The following RAD51B variants were observed in gnomAD, a reference collection of about 807,000 sequenced individuals.
The protein encoded by RAD51B is DNA repair protein RAD51 homolog 2.
In RAD51B, 38 loss-of-function variants were observed where a neutral mutation model predicts 42.2. That is an observed-to-expected ratio of 0.90 (90% CI 0.70 to 1.18). The LOEUF (loss-of-function observed/expected upper bound fraction) is 1.18, where lower values mean the gene tolerates loss of function less well. Ranked by LOEUF, RAD51B falls within the 50% of genes most tolerant of loss-of-function variation. RAD51B has a pLI of 0.00. For synonymous variants in RAD51B, 154 were observed against 145.2 expected, an observed-to-expected ratio of 1.06 and a Z score of -0.43; for missense variants, 373 against 400.7, an observed-to-expected ratio of 0.93 and a Z score of 0.59.
chr14:68,344,673 T>C (rs1424745711), intron 8 of RAD51B, among the ~76,000 whole-genome samples: 3 of 137,602 alleles, frequency 2.2e-5, no homozygotes, highest in African/African-American at 8.1e-5. Flanking sequence ...ATAGCCTGGG[T>C]GCGGTGGCTC....
chr14:68,260,130 A>G (rs1450099610), intron 7 of RAD51B, among the ~76,000 whole-genome samples: 2 of 152,134 alleles, frequency 1.3e-5, no homozygotes, highest in African/African-American at 4.8e-5. Flanking sequence ...CTCTATGAGG[A>G]GGACTTGCAT....
chr14:68,144,792 A>G (rs1372897983), intron 7 of RAD51B, among the ~76,000 whole-genome samples: 4 of 152,306 alleles, frequency 2.6e-5, no homozygotes, highest in African/African-American at 9.6e-5. Flanking sequence ...TTAAAATGTT[A>G]ATTGATTTTA....
At chr14:68,299,837 G>A (rs1351032119) in intron 8 of RAD51B, among the ~76,000 whole-genome samples, 1 of 152,198 alleles carries the variant, frequency 6.6e-6, no homozygotes, top group Non-Finnish European at 1.5e-5. Flanking sequence ...TATTGGGAAG[G>A]TTGAAACTTA....
intron 7 of RAD51B, among the ~76,000 whole-genome samples, chr14:68,201,317 C>A (rs2079481194): frequency 6.6e-6 from 1 of 152,104 alleles, no homozygotes; most frequent in African/African-American, 2.4e-5. Flanking sequence ...AACATATCTA[C>A]CTGAAAGCAA....
intron 5 of RAD51B, among the ~76,000 whole-genome samples, chr14:67,868,378 G>A (rs868438815): frequency 3.3e-5 from 5 of 152,192 alleles, no homozygotes; most frequent in Admixed American, 6.5e-5. Flanking sequence ...CTTTTCCGAC[G>A]GGCTTAAAAA....
intron 8 of RAD51B, among the ~76,000 whole-genome samples, chr14:68,371,819 C>T (rs2083271533): frequency 1.3e-5 from 2 of 152,194 alleles, no homozygotes; most frequent in Non-Finnish European, 2.9e-5. Flanking sequence ...CCACTGCACT[C>T]CAACCTAGGC....
chr14:68,681,537 A>T lies in RAD51B; in HGVS notation c.*11+30681A>T, dbSNP rs868078790. Among the ~76,000 whole-genome samples, 6 of 152,342 alleles carry T rather than the reference A, an allele frequency of 3.9e-5. No homozygotes were observed. The South Asian group carries it at 8.3e-4, about 21-fold the overall frequency. On this transcript the variant is annotated intron_variant, in intron 11 of 11. Coordinates refer to the RAD51B transcript ENST00000488612. ...TTTAGTTACAGAAGAAAAGGCAGGCAAGATGGAGCAGGCAGGTGCCTTTTG... is the reference window on the plus strand; with the variant it reads ...TTTAGTTACAGAAGAAAAGGCAGGCTAGATGGAGCAGGCAGGTGCCTTTTG...
At chr14:68,367,430 A>G (rs1438380538) in intron 8 of RAD51B, among the ~76,000 whole-genome samples, 1 of 152,162 alleles carries the variant, frequency 6.6e-6, no homozygotes, top group Non-Finnish European at 1.5e-5. Context: ...CATTTATATT[A>G]ATTAATTTGT....
intron 7 of RAD51B, among the ~76,000 whole-genome samples, chr14:67,913,465 T>C (rs2044053402): frequency 6.6e-6 from 1 of 152,198 alleles, no homozygotes; most frequent in Admixed American, 6.5e-5. Context: ...TGTCATTTAC[T>C]TTTTTCATTG....
chr14:68,482,833 GAA>G (rs2140266571), downstream of RAD51B, among the ~76,000 whole-genome samples: 1 of 152,260 alleles, frequency 6.6e-6, no homozygotes, highest in East Asian at 1.9e-4. Context: ...GGGAGGAGAG[GAA>G]ACCATTAAAT....
At position 67,830,927 on chromosome 14, in the gene RAD51B, C is replaced by T. The variant is rs575307451; in HGVS notation, c.199-4153C>T. 3.3e-5 allele frequency among the ~76,000 whole-genome samples: 5 copies of T among 151,422 alleles called. No individual in the cohort carries two copies. The East Asian group carries it at 9.7e-4, about 29-fold the overall frequency. ...TTGAGATGGAGTTTCGCTCTTGTCA[C>T]CCAGGCTGGAGTGCAATGGTGAGAT... On this transcript the variant is annotated intron_variant, in intron 3 of 10. Transcript: ENST00000471583.
At chr14:68,344,946 CA>C (rs34579667) in intron 8 of RAD51B, among the ~76,000 whole-genome samples, 37,766 of 113,124 alleles carry the variant, frequency 0.33, 7,199 homozygotes, top group African/African-American at 0.6. Context: ...GACTCAATCT[CA>C]AAAAAAAAAA....
At chr14:68,348,563 C>CAT (rs1289126178) in intron 8 of RAD51B, among the ~76,000 whole-genome samples, 3 of 152,190 alleles carry the variant, frequency 2.0e-5, no homozygotes, top group African/African-American at 4.8e-5. Context: ...AGGCATAATG[C>CAT]ATATGTTTGT....
intron 7 of RAD51B, among the ~76,000 whole-genome samples, chr14:68,282,066 C>T (rs1454995538): frequency 6.6e-6 from 1 of 151,908 alleles, no homozygotes; most frequent in African/African-American, 2.4e-5. Flanking sequence ...ACTGTAACCT[C>T]CACCTCCTGG....
chr14:68,259,007 A>G (rs1478899068), intron 7 of RAD51B, among the ~76,000 whole-genome samples: 1 of 152,166 alleles, frequency 6.6e-6, no homozygotes, highest in Admixed American at 6.5e-5. Flanking sequence ...CTAGACTAGA[A>G]TTAAGCAACT....
intron 10 of RAD51B, among the ~76,000 whole-genome samples, chr14:68,592,681 C>T (rs1890808217): frequency 6.6e-6 from 1 of 152,220 alleles, no homozygotes; most frequent in Non-Finnish European, 1.5e-5. Flanking sequence ...TGTTCACTGG[C>T]CACATGCCAG....
intron 7 of RAD51B, among the ~76,000 whole-genome samples, chr14:68,027,129 G>A (rs1317661130): frequency 6.6e-6 from 1 of 152,062 alleles, no homozygotes; most frequent in Non-Finnish European, 1.5e-5. Context: ...GAAATTCTTG[G>A]TTGGAATTTC....
intron 7 of RAD51B, among the ~76,000 whole-genome samples, chr14:68,225,382 G>T (rs1178106156): frequency 2.0e-5 from 3 of 152,166 alleles, no homozygotes; most frequent in East Asian, 3.8e-4. Flanking sequence ...TTAGAAACAT[G>T]CTGAGAACTG....
intron 7 of RAD51B, among the ~76,000 whole-genome samples, chr14:68,171,510 C>T (rs573169417): frequency 4.6e-5 from 7 of 151,758 alleles, no homozygotes; most frequent in Admixed American, 2.6e-4. Flanking sequence ...CATGTTGGCC[C>T]GGCTCGTCTC....
Sources: gnomAD v4.1 joint callset for allele counts (sites outside exome capture counted in the v4.1 genomes callset) on GRCh38, gnomAD v4.1.1 for gene constraint, MANE v1.5 for transcripts, NCBI Gene and HGNC (gene_info 2026-07-23, HGNC 2026-07-21) for gene names.